The following OPCML variants were observed in gnomAD, a reference collection of about 807,000 sequenced individuals.
OPCML encodes opioid binding protein/cell adhesion molecule like.
OPCML carries 13 observed loss-of-function variants against 37.8 expected under a neutral mutation model. That is an observed-to-expected ratio of 0.34 (90% CI 0.22 to 0.55). The LOEUF is 0.55. Ranked by LOEUF, OPCML falls within the 20% of genes least tolerant of loss-of-function variation. The pLI is 0.91. For synonymous variants in OPCML, 176 were observed against 168.8 expected (o/e 1.04, Z -0.33); for missense variants, 341 against 435.6 (o/e 0.78, Z 1.93).
intron 3 of OPCML, among the ~76,000 whole-genome samples, chr11:132,643,548 T>G (rs1940979697): frequency 6.6e-6 from 1 of 152,172 alleles, no homozygotes; most frequent in Non-Finnish European, 1.5e-5. Context: ...CTTCCTTCTT[T>G]CTCTTGACTC....
At chr11:132,953,794 T>C (rs1945915637) in intron 1 of OPCML, among the ~76,000 whole-genome samples, 2 of 152,182 alleles carry the variant, frequency 1.3e-5, no homozygotes, top group Admixed American at 6.5e-5. Context: ...TCCCCAGCAA[T>C]GGACCAAGCT....
At chr11:132,857,918 T>A (rs1434777164) in intron 2 of OPCML, among the ~76,000 whole-genome samples, 1 of 152,064 alleles carries the variant, frequency 6.6e-6, no homozygotes. Context: ...TGAGAATTGC[T>A]GCTCTAAGTG....
chr11:132,846,171 C>T (rs972988298), intron 2 of OPCML, among the ~76,000 whole-genome samples: 4 of 152,178 alleles, frequency 2.6e-5, no homozygotes, highest in African/African-American at 9.7e-5. Context: ...TCCAGGGTTA[C>T]AGAGAACTCC....
intron 1 of OPCML, chr11:133,008,075 C>T (rs538631742): frequency 2.0e-6 from 2 of 985,460 alleles, no homozygotes; most frequent in Admixed American, 1.2e-4. Context: ...GCATTGGAAG[C>T]TCTTGGATTC....
intron 3 of OPCML, among the ~76,000 whole-genome samples, chr11:132,635,591 C>CA (rs140900995): frequency 0.99 from 147,910 of 149,350 alleles, 73,250 homozygotes; most frequent in Middle Eastern, 1. Flanking sequence ...AGAAATTTGA[C>CA]CAAAAAAAAA....
intron 2 of OPCML, among the ~76,000 whole-genome samples, chr11:132,889,555 C>T (rs1943563195): frequency 6.6e-6 from 1 of 152,228 alleles, no homozygotes; most frequent in Non-Finnish European, 1.5e-5. Context: ...TGAAGGCCAA[C>T]TGGGCAGAAC....
intron 1 of OPCML, among the ~76,000 whole-genome samples, chr11:133,406,147 CAT>C (rs1182059399): frequency 6.6e-6 from 1 of 152,054 alleles, no homozygotes; most frequent in Non-Finnish European, 1.5e-5. Context: ...TATGATCTAT[CAT>C]AACAATAATC....
intron 1 of OPCML, chr11:133,004,116 C>G (rs1947062273): frequency 2.0e-6 from 2 of 985,260 alleles, no homozygotes; most frequent in African/African-American, 3.5e-5. Flanking sequence ...GGAAGTTGGA[C>G]ACCCACACAT....
intron 2 of OPCML, among the ~76,000 whole-genome samples, chr11:132,662,562 A>G (rs1311354938): frequency 1.3e-5 from 2 of 152,206 alleles, no homozygotes; most frequent in Non-Finnish European, 2.9e-5. Flanking sequence ...TGAGAGACAA[A>G]TAAAGTATGT....
chr11:133,392,546 A>G (rs565704540), intron 1 of OPCML, among the ~76,000 whole-genome samples: 9 of 152,332 alleles, frequency 5.9e-5, no homozygotes, highest in Admixed American at 4.6e-4. Flanking sequence ...CCTGTCCTCC[A>G]CACGTGTGCT....
rs1025586579 is a variant in OPCML, at chr11:132,418,851, C to A, written c.*1342G>T. On this transcript the variant is annotated 3_prime_UTR_variant, in exon 8 of 8. Coordinates refer to ENST00000524381, the MANE Select transcript of OPCML (RefSeq NM_001012393.5). ...TACTTTCTTGAAGGGTTGAGAGAAG[C>A]ATAAAGGCTGGCACCTTTGTCCTTC... is the stretch of plus-strand genomic sequence containing the variant. 1.3e-5 allele frequency: 2 copies of A among 152,634 alleles called. No homozygotes were observed. The highest frequency in any genetic ancestry group is 4.8e-5 in the African/African-American group (2 of 41,452). 9.5% of individuals were successfully genotyped at this position (152,634 alleles called of 1,614,324 possible).
At chr11:132,888,752 C>T (rs1943522843) in intron 2 of OPCML, among the ~76,000 whole-genome samples, 1 of 151,838 alleles carries the variant, frequency 6.6e-6, no homozygotes, top group African/African-American at 2.4e-5. Flanking sequence ...TAAGAATGGG[C>T]CAAGGCAAAC....
intron 1 of OPCML, among the ~76,000 whole-genome samples, chr11:133,499,855 T>TATATATGTGTATGTATATATATATACAC (rs1947872059): frequency 2.2e-5 from 3 of 135,188 alleles, no homozygotes; most frequent in Admixed American, 7.4e-5. Context: ...TATATATACA[T>TATATATGTGTATGTATATATATATACAC]ACACATATAT....
intron 1 of OPCML, among the ~76,000 whole-genome samples, chr11:133,054,456 G>C (rs890980817): frequency 1.3e-5 from 2 of 152,156 alleles, no homozygotes; most frequent in Non-Finnish European, 2.9e-5. Flanking sequence ...CTGGAACCAG[G>C]CTCAGAGCTT....
chr11:132,427,341 G>T (rs902231924), intron 7 of OPCML, among the ~76,000 whole-genome samples: 2 of 152,164 alleles, frequency 1.3e-5, no homozygotes, highest in African/African-American at 4.8e-5. Context: ...GATTAAAAGA[G>T]GAGCAAAGAA....
At chr11:133,027,788 TG>T in intron 1 of OPCML, among the ~76,000 whole-genome samples, 1 of 148,052 alleles carries the variant, frequency 6.8e-6, no homozygotes. Flanking sequence ...ATGTAGTATG[TG>T]GTGTGTGTGT....
intron 3 of OPCML, among the ~76,000 whole-genome samples, chr11:132,615,848 A>C (rs1442876536): frequency 6.6e-6 from 1 of 152,218 alleles, no homozygotes; most frequent in Non-Finnish European, 1.5e-5. Flanking sequence ...AATCATAGGC[A>C]AAGTATATGT....
rs79274171 is a variant in OPCML, at chr11:133,489,825, T to C, written c.61+42439A>G. On this transcript the variant is annotated intron_variant, in intron 1 of 7. Transcript: ENST00000524381. ...GAGAAATGAGGAAAATGTGTGTGTG[T>C]GTGTATATACATATATATATATATA... Among the ~76,000 whole-genome samples, 381 of 147,392 alleles carry C rather than the reference T, an allele frequency of 2.6e-3. 1 individual carries two copies. The highest frequency in any genetic ancestry group is 9.4e-3 in the African/African-American group (368 of 39,028).
chr11:133,343,268 G>A (rs893016130), intron 1 of OPCML, among the ~76,000 whole-genome samples: 2 of 152,132 alleles, frequency 1.3e-5, no homozygotes, highest in Admixed American at 6.6e-5. Context: ...TCCGTGACTC[G>A]GGGGTTCTTT....
Sources: gnomAD v4.1 joint callset for allele counts (sites outside exome capture counted in the v4.1 genomes callset) on GRCh38, gnomAD v4.1.1 for gene constraint, MANE v1.5 for transcripts, NCBI Gene and HGNC (gene_info 2026-07-23, HGNC 2026-07-21) for gene names.